Variants in CFAP77 observed in about 807,000 individuals in gnomAD.
The protein encoded by CFAP77 is cilia- and flagella-associated protein 77.
CFAP77 carries 25 observed loss-of-function variants against 31.1 expected under a neutral mutation model. The observed-to-expected ratio is 0.80, with a 90% CI of 0.59 to 1.12. The LOEUF (loss-of-function observed/expected upper bound fraction) is 1.12, where lower values mean the gene tolerates loss of function less well. Among genes scored for constraint, CFAP77 ranks in the 50% most tolerant of loss-of-function variants. CFAP77 has a pLI of 0.00. For missense variants in CFAP77, 377 were observed against 397.3 expected, an observed-to-expected ratio of 0.95 and a Z score of 0.44; for synonymous variants, 151 against 159.9, an observed-to-expected ratio of 0.94 and a Z score of 0.42.
At chr9:132,503,421 G>A (rs961545213) in intron 3 of CFAP77, among the ~76,000 whole-genome samples, 3 of 152,294 alleles carry the variant, frequency 2.0e-5, no homozygotes, top group African/African-American at 7.2e-5. Context: ...CCCTGGGTCG[G>A]GAGTTGGCCT....
At chr9:132,463,820 GCTAT>G (rs767559052) in intron 1 of CFAP77, among the ~76,000 whole-genome samples, 15 of 152,306 alleles carry the variant, frequency 9.8e-5, no homozygotes, top group Non-Finnish European at 1.8e-4. Flanking sequence ...TGGTGTCCCT[GCTAT>G]CTGTGCATGG....
At chr9:132,549,320 A>G (rs796611513) in intron 5 of CFAP77, among the ~76,000 whole-genome samples, 8 of 152,236 alleles carry the variant, frequency 5.3e-5, no homozygotes, top group African/African-American at 1.9e-4. Context: ...TGCACCAGTG[A>G]TGTATTTTAA....
At chr9:132,447,246 G>A (rs984222441) in intron 1 of CFAP77, among the ~76,000 whole-genome samples, 5 of 152,236 alleles carry the variant, frequency 3.3e-5, no homozygotes, top group Non-Finnish European at 7.3e-5. Context: ...GAAGAAACTT[G>A]GTGCAGAATG....
At chr9:132,538,980 G>A (rs1399844979) in intron 4 of CFAP77, among the ~76,000 whole-genome samples, 2 of 150,962 alleles carry the variant, frequency 1.3e-5, no homozygotes, top group African/African-American at 2.4e-5. Flanking sequence ...CCAGCTACTC[G>A]GGAGGCTGAG....
At chr9:132,561,126 T>A (rs1852989643) in intron 5 of CFAP77, among the ~76,000 whole-genome samples, 1 of 152,254 alleles carries the variant, frequency 6.6e-6, no homozygotes, top group Admixed American at 6.5e-5. Context: ...TGAATCTGTG[T>A]TCTACCGGAG....
chr9:132,432,752 C>T (rs575125546), intron 1 of CFAP77, among the ~76,000 whole-genome samples: 29 of 151,910 alleles, frequency 1.9e-4, no homozygotes, highest in African/African-American at 7.0e-4. Flanking sequence ...CTCACTCTGT[C>T]GCCTGGGCTG....
At position 132,553,157 on chromosome 9, in the gene CFAP77, G is replaced by C. The variant is rs116363429; in HGVS notation, c.732+10110G>C. Among the ~76,000 whole-genome samples, 938 of 152,322 alleles carry C rather than the reference G, an allele frequency of 6.2e-3. 11 individuals carry two copies. Among genetic ancestry groups the C allele is most frequent in the African/African-American group, 0.021 (887 of 41,568 alleles). ...TCACCGAGTCCTCACTTGCTGGAGAGAGAGAGAGGAAGCACACACTCTGGT... is the reference window on the plus strand; with the variant it reads ...TCACCGAGTCCTCACTTGCTGGAGACAGAGAGAGGAAGCACACACTCTGGT... On this transcript the variant is annotated intron_variant, in intron 5 of 5. Transcript: ENST00000393216.
intron 1 of CFAP77, among the ~76,000 whole-genome samples, chr9:132,461,709 G>A (rs1851053039): frequency 6.6e-6 from 1 of 152,212 alleles, no homozygotes; most frequent in South Asian, 2.1e-4. Flanking sequence ...CCCTTCCCAG[G>A]CCTGGCCGAT....
At chr9:132,438,381 G>A (rs1850547612) in intron 1 of CFAP77, among the ~76,000 whole-genome samples, 1 of 151,194 alleles carries the variant, frequency 6.6e-6, no homozygotes, top group Admixed American at 6.6e-5. Context: ...TGAGCTGATA[G>A]AGACTGATTT....
intron 1 of CFAP77, among the ~76,000 whole-genome samples, chr9:132,438,138 G>T (rs1426227446): frequency 3.5e-5 from 5 of 144,492 alleles, no homozygotes; most frequent in Non-Finnish European, 7.5e-5. Context: ...GGAGGCGGAG[G>T]TTGTATTGAG....
chr9:132,471,110 T>G (rs1851246178), intron 1 of CFAP77, among the ~76,000 whole-genome samples: 1 of 152,218 alleles, frequency 6.6e-6, no homozygotes, highest in Non-Finnish European at 1.5e-5. Context: ...TCCCACTGCC[T>G]GATGGGTGAG....
At chr9:132,428,821 T>A (rs535002687) in intron 1 of CFAP77, among the ~76,000 whole-genome samples, 1 of 146,624 alleles carries the variant, frequency 6.8e-6, no homozygotes, top group African/African-American at 2.5e-5. Context: ...GACCCCCCCC[T>A]GCTCTGCGTA....
At position 132,554,234 on chromosome 9, in the gene CFAP77, G is replaced by A. The variant is rs1455195978; in HGVS notation, c.732+11187G>A. 3.3e-5 allele frequency among the ~76,000 whole-genome samples: 5 copies of A among 152,220 alleles called. No individual in the cohort carries two copies. In the East Asian group the frequency reaches 7.7e-4, roughly 23 times the overall value. On this transcript the variant is annotated intron_variant, in intron 5 of 5. Transcript: ENST00000393216. This position sits in a 1 kb window ranked among gnomAD's most constrained non-coding sequence, Gnocchi z 4.1. ...TGCTCGACGTGATGGAATGTGCTCC[G>A]TTTGGCTTCATGTGGCAGAAATTGA...
chr9:132,444,792 A>G (rs1317653378), intron 1 of CFAP77, among the ~76,000 whole-genome samples: 2 of 152,062 alleles, frequency 1.3e-5, no homozygotes, highest in Non-Finnish European at 2.9e-5. Flanking sequence ...CCCATTTTTA[A>G]TTGTAGAGTT....
intron 1 of CFAP77, among the ~76,000 whole-genome samples, chr9:132,496,163 G>A (rs968390792): frequency 6.6e-6 from 1 of 152,050 alleles, no homozygotes; most frequent in Non-Finnish European, 1.5e-5. Flanking sequence ...GCTCACTTTT[G>A]TTGTGAACCT....
At chr9:132,471,452 C>A (rs775017921) in intron 1 of CFAP77, among the ~76,000 whole-genome samples, 11 of 152,066 alleles carry the variant, frequency 7.2e-5, no homozygotes, top group East Asian at 5.8e-4. Flanking sequence ...GACCCCCCCC[C>A]ACCGTTGCCC....
intron 3 of CFAP77, among the ~76,000 whole-genome samples, chr9:132,530,455 A>G (rs1589909618): frequency 6.6e-6 from 1 of 151,944 alleles, no homozygotes. Flanking sequence ...TTGTATTTTT[A>G]GTAGAGACGA....
At chr9:132,551,866 G>A (rs914879842) in intron 5 of CFAP77, among the ~76,000 whole-genome samples, 8 of 152,292 alleles carry the variant, frequency 5.3e-5, no homozygotes, top group African/African-American at 9.6e-5. Context: ...ATGCGGGCCC[G>A]GGAAGGAAAG....
chr9:132,435,129 A>G (rs529202917), intron 1 of CFAP77, among the ~76,000 whole-genome samples: 35 of 152,288 alleles, frequency 2.3e-4, no homozygotes, highest in African/African-American at 8.4e-4. Flanking sequence ...TGTATTTATA[A>G]GCTGACAGGG....
Sources: allele counts gnomAD v4.1 joint callset (sites outside exome capture counted in the v4.1 genomes callset), GRCh38; gene constraint gnomAD v4.1.1; non-coding constraint Gnocchi (gnomAD v3.1); transcripts MANE v1.5; gene names NCBI Gene and HGNC (gene_info 2026-07-23, HGNC 2026-07-21).